Variants in ERBB4 observed in about 807,000 individuals in gnomAD.
ERBB4 encodes the protein receptor tyrosine-protein kinase erbB-4.
In ERBB4, 42 loss-of-function variants were observed where a neutral mutation model predicts 158.0. The observed-to-expected ratio is 0.27, with a 90% CI of 0.21 to 0.34. The LOEUF is 0.34. Among genes scored for constraint, ERBB4 ranks in the 10% least tolerant of loss-of-function variants. The pLI, the probability that ERBB4 is intolerant of heterozygous loss-of-function variation, is 1.00. For missense variants in ERBB4, 1,333 were observed against 1,624.1 expected, an observed-to-expected ratio of 0.82 and a Z score of 3.08; for synonymous variants, 583 against 558.7, an observed-to-expected ratio of 1.04 and a Z score of -0.61.
rs959924017 is a variant in ERBB4, at chr2:211,702,005, C to T, written c.1451G>A (p.Arg484Lys). ...TTTTCTGTTGTCCCGGATTACTATTCTCTGGTTGATTGTGCTGAAGAGTGT... is the reference window on the plus strand; with the variant it reads ...TTTTCTGTTGTCCCGGATTACTATTTTCTGGTTGATTGTGCTGAAGAGTGT... ...WTTLFSTINQ[R>K]IVIRDNRKAE... Residue 484 changes from arginine to lysine, a missense_variant, in exon 12 of 28, where the codon AGA becomes AAA. Around this residue, in one of 5 missense-constraint regions of ERBB4, gnomAD observed 245 missense variants for 247.5 expected, o/e 0.99. Transcript: ENST00000342788. 8 of 1,613,838 alleles carry T rather than the reference C, an allele frequency of 5.0e-6. No individual in the cohort carries two copies. The highest frequency in any genetic ancestry group is 6.8e-6 in the Non-Finnish European group (8 of 1,179,924).
intron 19 of ERBB4, among the ~76,000 whole-genome samples, chr2:211,595,946 T>C (rs956898397): frequency 6.6e-6 from 1 of 152,102 alleles, no homozygotes; most frequent in African/African-American, 2.4e-5. Context: ...GAAGAGTTAA[T>C]TTATGCCAAC....
intron 25 of ERBB4, among the ~76,000 whole-genome samples, chr2:211,398,429 ATCTT>A (rs1241320662): frequency 6.6e-6 from 1 of 152,162 alleles, no homozygotes; most frequent in Non-Finnish European, 1.5e-5. Context: ...ACTTATGAAA[ATCTT>A]AATTATGGTA....
intron 4 of ERBB4, chr2:211,779,734 C>CA (rs2075988167): frequency 6.6e-6 from 1 of 152,094 alleles, no homozygotes; most frequent in African/African-American, 2.4e-5. Flanking sequence ...ACCACCTTAC[C>CA]GCACATTCGA....
intron 2 of ERBB4, among the ~76,000 whole-genome samples, chr2:211,969,066 C>A (rs1044901407): frequency 7.2e-5 from 11 of 151,940 alleles, no homozygotes; most frequent in Non-Finnish European, 1.3e-4. Context: ...ACACAAAATT[C>A]TTGAATCAAA....
chr2:211,589,141 G>C (rs1472986351), intron 19 of ERBB4, among the ~76,000 whole-genome samples: 4 of 152,072 alleles, frequency 2.6e-5, no homozygotes, highest in Admixed American at 2.0e-4. Flanking sequence ...GCCAACAAAA[G>C]TTAGGCCAAG....
chr2:211,701,901 T>C (rs1296334938), intron 12 of ERBB4, 66 bp downstream of exon 12: 6 of 1,180,098 alleles, frequency 5.1e-6, no homozygotes, highest in Non-Finnish European at 7.6e-6. Context: ...TTTAATTGTT[T>C]GGTCCAAAGA....
intron 9 of ERBB4, 124 bp downstream of exon 9, chr2:211,711,926 T>C (rs934135744): frequency 2.9e-5 from 23 of 789,356 alleles, no homozygotes; most frequent in Non-Finnish European, 4.2e-5. Flanking sequence ...CTTTTGTTGG[T>C]GAGGAGCATT....
At chr2:212,148,425 T>C (rs2080755417) in intron 1 of ERBB4, among the ~76,000 whole-genome samples, 1 of 152,186 alleles carries the variant, frequency 6.6e-6, no homozygotes, top group Non-Finnish European at 1.5e-5. Context: ...TGAATTCCTT[T>C]ATGGCACAGA....
At chr2:212,163,522 T>C (rs531310726) in intron 1 of ERBB4, among the ~76,000 whole-genome samples, 2 of 152,138 alleles carry the variant, frequency 1.3e-5, no homozygotes, top group Admixed American at 1.3e-4. Flanking sequence ...GAACAGGTAA[T>C]GAGAATTCTA....
At chr2:212,203,050 T>C (rs750053651) in intron 1 of ERBB4, among the ~76,000 whole-genome samples, 4 of 151,948 alleles carry the variant, frequency 2.6e-5, no homozygotes, top group Admixed American at 6.6e-5. Flanking sequence ...GCACAGAAGA[T>C]ACAAAAGTGA....
At chr2:211,695,070 C>T (rs1340436534) in intron 12 of ERBB4, among the ~76,000 whole-genome samples, 1 of 152,014 alleles carries the variant, frequency 6.6e-6, no homozygotes, top group Non-Finnish European at 1.5e-5. Flanking sequence ...AAAATGCTTG[C>T]TTCTGTATTT....
intron 3 of ERBB4, among the ~76,000 whole-genome samples, chr2:211,863,795 C>T (rs2078132543): frequency 6.6e-6 from 1 of 152,172 alleles, no homozygotes; most frequent in Admixed American, 6.5e-5. Context: ...GGAAAAAATT[C>T]CAGACACAGT....
intron 19 of ERBB4, among the ~76,000 whole-genome samples, chr2:211,580,800 ATAT>A (rs1183359113): frequency 1.4e-3 from 20 of 14,456 alleles, no homozygotes; most frequent in East Asian, 0.011. Flanking sequence ...ATATATATAT[ATAT>A]ATATATATAA....
chr2:212,467,906 C>A (rs1195022227), intron 1 of ERBB4, among the ~76,000 whole-genome samples: 5 of 152,208 alleles, frequency 3.3e-5, no homozygotes, highest in African/African-American at 1.2e-4. Context: ...CAGAGCTGTT[C>A]AAGACCATTG....
In ERBB4 at chr2:212,124,859, C is replaced by G. The variant is rs965744501; in HGVS notation, c.127G>C (p.Glu43Gln). ...ENKLSSLSDL[E>Q]QQYRALRKYY... ...TTGCGCAAGGCTCGGTACTGCTGTT[C>G]CAGGTCAGAGAGAGAGCTCAGTTTA... The change falls in exon 2 of 28, where the codon GAA (glutamate) becomes CAA (glutamine). Residue 43 changes from glutamate to glutamine, a missense_variant. This residue lies in a region of ERBB4 where 438 missense variants were observed against 586.9 expected (regional missense o/e 0.75). Coordinates refer to ENST00000342788, the MANE Select transcript of ERBB4 (RefSeq NM_005235.3). The G allele has an allele frequency of 6.2e-7, 1 of 1,614,184 alleles. No homozygotes were observed. The highest frequency in any genetic ancestry group is 1.1e-5 in the South Asian group (1 of 91,084).
At chr2:211,926,789 GC>G (rs1267850218) in intron 3 of ERBB4, among the ~76,000 whole-genome samples, 7 of 151,746 alleles carry the variant, frequency 4.6e-5, no homozygotes, top group African/African-American at 1.7e-4. Context: ...GCTCAATGGG[GC>G]CTTCTTATGT....
chr2:212,414,909 G>A (rs762445403), intron 1 of ERBB4, among the ~76,000 whole-genome samples: 15 of 152,170 alleles, frequency 9.9e-5, no homozygotes, highest in Non-Finnish European at 2.2e-4. Flanking sequence ...CATTTGGCTT[G>A]AAATAAACAT....
At chr2:212,317,469 T>C (rs1392441845) in intron 1 of ERBB4, among the ~76,000 whole-genome samples, 1 of 151,620 alleles carries the variant, frequency 6.6e-6, no homozygotes, top group South Asian at 2.1e-4. Flanking sequence ...TGCTTTGAAG[T>C]TGAAGTGAGT....
At chr2:212,309,220 G>A (rs926780848) in intron 1 of ERBB4, among the ~76,000 whole-genome samples, 2 of 150,738 alleles carry the variant, frequency 1.3e-5, no homozygotes, top group African/African-American at 4.8e-5. Flanking sequence ...GACTATTTAC[G>A]TAATCCAAAG....
Sources: allele counts gnomAD v4.1 joint callset (sites outside exome capture counted in the v4.1 genomes callset), GRCh38; gene constraint gnomAD v4.1.1; regional missense constraint gnomAD v4.1.1; transcripts MANE v1.5; gene names NCBI Gene and HGNC (gene_info 2026-07-23, HGNC 2026-07-21).